The following RFX4 variants were observed in gnomAD, a reference collection of about 807,000 sequenced individuals.
RFX4 encodes the protein regulatory factor X4.
RFX4 carries 10 observed loss-of-function variants against 95.0 expected under a neutral mutation model. The observed-to-expected ratio is 0.11, with a 90% confidence interval of 0.06 to 0.18. The LOEUF (loss-of-function observed/expected upper bound fraction) is 0.18, where lower values mean the gene tolerates loss of function less well. Ranked by LOEUF, RFX4 falls within the 10% of genes least tolerant of loss-of-function variation. RFX4 has a pLI of 1.00. For missense variants in RFX4, 640 were observed against 922.0 expected (o/e 0.69, Z 3.96); for synonymous variants, 321 against 340.7 (o/e 0.94, Z 0.64).
At chr12:106,760,881 A>G (rs1813208568) in intron 17 of RFX4, among the ~76,000 whole-genome samples, 1 of 152,100 alleles carries the variant, frequency 6.6e-6, no homozygotes, top group South Asian at 2.1e-4. Context: ...ACAAACACAC[A>G]CTTTCCTGTA....
rs755473453 is a variant in RFX4 at position 106,682,025 on chromosome 12, C to G, written c.348C>G (p.Thr116=). The G allele has an allele frequency of 1.8e-5, 29 of 1,614,170 alleles. No homozygotes were observed. In the East Asian group the frequency reaches 6.2e-4, roughly 35 times the overall value. ...GGCAGCAGTTTCCTCAGTTAACCAC[C>G]AGAAGACTCGGGACCCGAGGACAGT... ...IIRQQFPQLT[T]RRLGTRGQSK... is the part of the protein sequence containing the mutation. Residue 116 remains threonine (T), a synonymous_variant, in exon 5 of 18, where the codon ACC becomes ACG. Transcript: ENST00000392842.
At chr12:106,756,262 C>A (rs1045897262) in intron 17 of RFX4, among the ~76,000 whole-genome samples, 25 of 152,328 alleles carry the variant, frequency 1.6e-4, no homozygotes, top group African/African-American at 6.0e-4. Context: ...AGAAAATAAA[C>A]CAGACCAAGT....
intron 8 of RFX4, among the ~76,000 whole-genome samples, chr12:106,697,000 G>A (rs965901420): frequency 2.6e-5 from 4 of 152,108 alleles, no homozygotes; most frequent in African/African-American, 7.2e-5. Flanking sequence ...CACACAGGGC[G>A]CTTCTCAGGG....
At chr12:106,741,808 G>A (rs1357641878) in intron 15 of RFX4, among the ~76,000 whole-genome samples, 1 of 152,166 alleles carries the variant, frequency 6.6e-6, no homozygotes, top group Non-Finnish European at 1.5e-5. Context: ...GGAAGAGGTG[G>A]GGGGGATGGT....
chr12:106,732,187 C>A lies in RFX4; in HGVS notation c.1409C>A (p.Ser470Tyr). Reference sequence around the variant, plus strand: ...GACTACGTGCTCTACCTGTTAGAATCTCTGCACTGTCAGGAGCGGGCCAAT... The same window carrying A: ...GACTACGTGCTCTACCTGTTAGAATATCTGCACTGTCAGGAGCGGGCCAAT... ...FDDYVLYLLE[S>Y]LHCQERANEL... The change falls in exon 14 of 18, where the codon TCT (serine) becomes TAT (tyrosine). Residue 470 changes from serine (S) to tyrosine (Y), a missense_variant. Coordinates refer to ENST00000392842, the MANE Select transcript of RFX4 (RefSeq NM_213594.3). 1 of 1,613,986 alleles carries A rather than the reference C, an allele frequency of 6.2e-7. No individual in the cohort carries two copies. The highest frequency in any genetic ancestry group is 8.5e-7 in the Non-Finnish European group (1 of 1,179,920).
intron 4 of RFX4, among the ~76,000 whole-genome samples, chr12:106,660,377 C>G (rs918262342): frequency 2.0e-5 from 3 of 151,808 alleles, no homozygotes; most frequent in African/African-American, 7.3e-5. Flanking sequence ...CTGAGCATCC[C>G]CCTCTCTCAG....
intron 1 of RFX4, among the ~76,000 whole-genome samples, chr12:106,600,462 A>G (rs2039685086): frequency 1.3e-5 from 2 of 151,656 alleles, no homozygotes; most frequent in Admixed American, 1.3e-4. Flanking sequence ...ACCACACTAA[A>G]CTCTAATCTT....
chr12:106,666,719 C>A (rs1231062499), intron 4 of RFX4, among the ~76,000 whole-genome samples: 1 of 152,168 alleles, frequency 6.6e-6, no homozygotes, highest in Non-Finnish European at 1.5e-5. Context: ...CTCTTAATTT[C>A]TGTTACAGTG....
intron 4 of RFX4, among the ~76,000 whole-genome samples, chr12:106,673,785 A>G (rs1380758305): frequency 1.3e-5 from 2 of 152,234 alleles, no homozygotes; most frequent in Non-Finnish European, 2.9e-5. Context: ...TCAATGGCCA[A>G]TCAAAGAGGA....
At chr12:106,732,772 C>G in intron 14 of RFX4, 152 bp from the exon 15 acceptor site, 1 of 582,690 alleles carries the variant, frequency 1.7e-6, no homozygotes. Context: ...CAGAAATTGC[C>G]TTGAGTGTCA....
At chr12:106,623,272 C>A (rs1290319860) in intron 2 of RFX4, among the ~76,000 whole-genome samples, 1 of 151,904 alleles carries the variant, frequency 6.6e-6, no homozygotes, top group Non-Finnish European at 1.5e-5. Flanking sequence ...ATCTGCCCGC[C>A]TTGGCCTCCC....
intron 2 of RFX4, among the ~76,000 whole-genome samples, chr12:106,630,346 G>C (rs902836755): frequency 1.3e-5 from 2 of 152,020 alleles, no homozygotes; most frequent in Admixed American, 1.3e-4. Context: ...CCTCTTTCTC[G>C]CTCCAAGATT....
At position 106,617,690 on chromosome 12, in the gene RFX4, A is replaced by T. The variant is rs908061506; in HGVS notation, c.130+8807A>T. Among the ~76,000 whole-genome samples, 3 of 152,146 alleles carry T rather than the reference A, an allele frequency of 2.0e-5. No individual in the cohort carries two copies. In the East Asian group the frequency reaches 5.8e-4, roughly 29 times the overall value. On this transcript the variant is annotated intron_variant, in intron 2 of 17. Coordinates refer to ENST00000392842, the MANE Select transcript of RFX4 (RefSeq NM_213594.3). ...GGTTAATGTCCATGCACACTTGAAA[A>T]GAATGTATATTTTGCATTTTGAATG... is the stretch of plus-strand genomic sequence containing the variant.
intron 6 of RFX4, among the ~76,000 whole-genome samples, chr12:106,689,054 G>A (rs1008677036): frequency 1.3e-5 from 2 of 152,126 alleles, no homozygotes; most frequent in African/African-American, 2.4e-5. Context: ...AGCGCATTCC[G>A]TATCTCAGGG....
intron 1 of RFX4, among the ~76,000 whole-genome samples, chr12:106,596,727 G>A (rs2039624950): frequency 1.3e-5 from 2 of 152,182 alleles, no homozygotes; most frequent in African/African-American, 4.8e-5. Context: ...ATAAGAAAGT[G>A]TATTTTTCAT....
At chr12:106,690,474 T>G (rs951998329) in intron 7 of RFX4, among the ~76,000 whole-genome samples, 2 of 152,136 alleles carry the variant, frequency 1.3e-5, no homozygotes, top group Non-Finnish European at 2.9e-5. Context: ...GCTAAGACAA[T>G]ACTAGCTGCT....
At chr12:106,634,933 A>G (rs1388600803) in intron 2 of RFX4, among the ~76,000 whole-genome samples, 2 of 152,096 alleles carry the variant, frequency 1.3e-5, no homozygotes, top group South Asian at 2.1e-4. Flanking sequence ...TCTTTTCCCA[A>G]CCAAACTCAA....
chr12:106,601,615 T>C (rs529926182), intron 1 of RFX4, among the ~76,000 whole-genome samples: 265 of 152,360 alleles, frequency 1.7e-3, no homozygotes, highest in Non-Finnish European at 3.1e-3. Flanking sequence ...AGGACCTCCC[T>C]GTTCTCATCC....
At chr12:106,608,974 C>G in intron 2 of RFX4, 91 bp downstream of exon 2, 1 of 1,124,706 alleles carries the variant, frequency 8.9e-7, no homozygotes. Context: ...TAGGCTGGGC[C>G]AAGTCACCTG....
Sources: allele counts gnomAD v4.1 joint callset (sites outside exome capture counted in the v4.1 genomes callset), GRCh38; gene constraint gnomAD v4.1.1; transcripts MANE v1.5; gene names NCBI Gene and HGNC (gene_info 2026-07-23, HGNC 2026-07-21).